Variants in TRPM3 observed in about 807,000 individuals in gnomAD.
The protein encoded by TRPM3 is transient receptor potential cation channel subfamily M member 3.
TRPM3 carries 77 observed loss-of-function variants against 181.2 expected under a neutral mutation model. The observed-to-expected ratio is 0.42, with a 90% CI of 0.35 to 0.51. The LOEUF is 0.51. TRPM3 is among the 20% of genes least tolerant of loss of function. The probability of loss-of-function intolerance (pLI) is 0.01; values close to 1 mark genes in which losing one functional copy is unlikely to be tolerated. For synonymous variants in TRPM3, 745 were observed against 796.4 expected (o/e 0.94, Z 1.09); for missense variants, 1,759 against 2,196.7 (o/e 0.80, Z 3.98).
chr9:70,974,395 C>T (rs1173365918), intron 1 of TRPM3, among the ~76,000 whole-genome samples: 6 of 104,982 alleles, frequency 5.7e-5, no homozygotes, highest in African/African-American at 1.4e-4. Flanking sequence ...AAAAATTAGC[C>T]GCGCGTGGTG....
At chr9:71,121,923 A>G (rs2134396623), upstream of TRPM3, among the ~76,000 whole-genome samples, 1 of 152,302 alleles carries the variant, frequency 6.6e-6, no homozygotes, top group Non-Finnish European at 1.5e-5. Context: ...AAATACATCT[A>G]TAGTAAAAGA....
At chr9:70,808,396 T>C (rs528008935) in intron 6 of TRPM3, among the ~76,000 whole-genome samples, 57 of 152,314 alleles carry the variant, frequency 3.7e-4, no homozygotes, top group African/African-American at 1.3e-3. Flanking sequence ...CTAATTCCAA[T>C]GTAGAAAAGT....
chr9:70,842,486 G>T (rs1017970176), intron 5 of TRPM3, among the ~76,000 whole-genome samples: 1 of 151,946 alleles, frequency 6.6e-6, no homozygotes, highest in Non-Finnish European at 1.5e-5. Context: ...TTAATTCTTC[G>T]CCACTTTTAA....
chr9:70,912,442 A>T (rs1023926591), intron 1 of TRPM3, among the ~76,000 whole-genome samples: 2 of 152,246 alleles, frequency 1.3e-5, no homozygotes, highest in African/African-American at 4.8e-5. Context: ...TGATGTTCTG[A>T]GTAGCTGCCT....
At chr9:71,367,565 T>C (rs1422179735) in intron 1 of TRPM3, among the ~76,000 whole-genome samples, 1 of 152,220 alleles carries the variant, frequency 6.6e-6, no homozygotes, top group Non-Finnish European at 1.5e-5. Context: ...AAAAAAGATC[T>C]GAGCTGTGGT....
intron 1 of TRPM3, among the ~76,000 whole-genome samples, chr9:71,347,128 A>C (rs1438279833): frequency 1.3e-5 from 2 of 152,182 alleles, no homozygotes; most frequent in Non-Finnish European, 2.9e-5. Flanking sequence ...TTCCAATATC[A>C]TGTTTGGTTT....
At chr9:71,114,443 T>A (rs1030942385) in intron 1 of TRPM3, among the ~76,000 whole-genome samples, 2 of 152,198 alleles carry the variant, frequency 1.3e-5, no homozygotes, top group African/African-American at 4.8e-5. Context: ...ATTGTGTTCA[T>A]TCTATTTTTT....
intron 1 of TRPM3, among the ~76,000 whole-genome samples, chr9:70,929,263 G>A (rs1046346434): frequency 4.0e-5 from 6 of 151,724 alleles, no homozygotes; most frequent in Admixed American, 2.6e-4. Flanking sequence ...GTGCAGTGGT[G>A]CAATCTCAGC....
At chr9:71,325,107 T>C (rs1042711616) in intron 1 of TRPM3, among the ~76,000 whole-genome samples, 1 of 151,778 alleles carries the variant, frequency 6.6e-6, no homozygotes, top group African/African-American at 2.4e-5. Flanking sequence ...GACTTGATCA[T>C]TGCAAATTAT....
At chr9:70,892,697 T>A (rs1223945602) in intron 1 of TRPM3, among the ~76,000 whole-genome samples, 2 of 151,332 alleles carry the variant, frequency 1.3e-5, no homozygotes, top group African/African-American at 4.9e-5. Flanking sequence ...TCTAAATAAA[T>A]ATATTTCTGC....
At chr9:71,041,121 C>T (rs1166643637) in intron 1 of TRPM3, among the ~76,000 whole-genome samples, 1 of 152,024 alleles carries the variant, frequency 6.6e-6, no homozygotes, top group African/African-American at 2.4e-5. Flanking sequence ...AATATCCTTG[C>T]TTTGGGGAAA....
chr9:70,586,811 T>A (rs1226955887), intron 22 of TRPM3, among the ~76,000 whole-genome samples: 2 of 152,212 alleles, frequency 1.3e-5, no homozygotes, highest in Admixed American at 1.3e-4. Flanking sequence ...AACTTCACCA[T>A]AAGCAGGCGT....
chr9:71,022,144 C>T (rs2097852078), intron 1 of TRPM3, among the ~76,000 whole-genome samples: 1 of 152,070 alleles, frequency 6.6e-6, no homozygotes, highest in African/African-American at 2.4e-5. Context: ...GCAAGTCTTA[C>T]AATATAGCTA....
Position 70,535,311 on chromosome 9 carries a change from A to G in TRPM3, c.*642T>C. On this transcript the variant is annotated 3_prime_UTR_variant, in exon 26 of 26. Coordinates refer to ENST00000677713, the MANE Select transcript of TRPM3 (RefSeq NM_001366145.2). Reference sequence around the variant, plus strand: ...TAAACAGTTGTGGCACCAGAAGTGAATAGATAAGAGACAGGTGAACTATGA... The same window carrying G: ...TAAACAGTTGTGGCACCAGAAGTGAGTAGATAAGAGACAGGTGAACTATGA... 8.7e-7 allele frequency: 1 copy of G among 1,149,410 alleles called. No individual in the cohort carries two copies. Among genetic ancestry groups the G allele is most frequent in the South Asian group, 1.4e-5 (1 of 71,280 alleles). The allele number at this position is 1,149,410 out of a possible 1,614,324, so 71.2% of individuals were successfully genotyped here. A position where few individuals can be genotyped will look rare whatever the true frequency, so the allele number is the denominator to read the frequency against.
At chr9:70,773,316 T>C (rs1031126951) in intron 7 of TRPM3, among the ~76,000 whole-genome samples, 2 of 152,176 alleles carry the variant, frequency 1.3e-5, no homozygotes, top group African/African-American at 4.8e-5. Context: ...GCAAATTACC[T>C]AACCTTTCTG....
At chr9:71,258,852 T>C (rs1030922293) in intron 1 of TRPM3, among the ~76,000 whole-genome samples, 1 of 152,164 alleles carries the variant, frequency 6.6e-6, no homozygotes, top group African/African-American at 2.4e-5. Flanking sequence ...TTGGGTATCA[T>C]GATGAATTTT....
chr9:70,949,702 C>A (rs567492096), intron 1 of TRPM3, among the ~76,000 whole-genome samples: 8 of 152,124 alleles, frequency 5.3e-5, no homozygotes, highest in Non-Finnish European at 1.2e-4. Context: ...CCATACCCAA[C>A]CTGAATGTAA....
intron 14 of TRPM3, among the ~76,000 whole-genome samples, chr9:70,622,962 A>AT (rs1175660395): frequency 1.3e-5 from 2 of 151,760 alleles, no homozygotes; most frequent in African/African-American, 4.8e-5. Flanking sequence ...TGTTATATAT[A>AT]TTTTTTCATT....
intron 22 of TRPM3, among the ~76,000 whole-genome samples, chr9:70,566,483 G>A (rs1454605943): frequency 6.6e-6 from 1 of 152,128 alleles, no homozygotes; most frequent in Non-Finnish European, 1.5e-5. Flanking sequence ...GACCTCAGAG[G>A]ATCAAATCAA....
Sources: allele counts gnomAD v4.1 joint callset (sites outside exome capture counted in the v4.1 genomes callset), GRCh38; gene constraint gnomAD v4.1.1; transcripts MANE v1.5; gene names NCBI Gene and HGNC (gene_info 2026-07-23, HGNC 2026-07-21).